The following MAML2 variants were observed in gnomAD, a reference collection of about 807,000 sequenced individuals.
The protein encoded by MAML2 is mastermind-like protein 2.
MAML2 carries 22 observed loss-of-function variants against 96.1 expected under a neutral mutation model. That is an observed-to-expected ratio of 0.23 (90% CI 0.16 to 0.33). MAML2 has a LOEUF of 0.33. MAML2 is among the 10% of genes least tolerant of loss of function. The pLI, the probability that MAML2 is intolerant of heterozygous loss-of-function variation, is 1.00. For synonymous variants in MAML2, 561 were observed against 521.3 expected (o/e 1.08, Z -1.04); for missense variants, 1,367 against 1,392.4 (o/e 0.98, Z 0.29).
intron 2 of MAML2, among the ~76,000 whole-genome samples, chr11:96,004,657 T>C (rs1213371959): frequency 1.3e-5 from 2 of 152,182 alleles, no homozygotes; most frequent in Non-Finnish European, 2.9e-5. Context: ...TGTGTAAATA[T>C]TTGCTTCATA....
At chr11:96,156,121 C>T (rs946912144) in intron 1 of MAML2, among the ~76,000 whole-genome samples, 28 of 152,156 alleles carry the variant, frequency 1.8e-4, no homozygotes, top group African/African-American at 5.6e-4. Context: ...GCTTCGCCTC[C>T]GTAACCCAGG....
chr11:95,984,485 A>T (rs1041362584), intron 4 of MAML2, among the ~76,000 whole-genome samples: 10 of 152,142 alleles, frequency 6.6e-5, no homozygotes, highest in Admixed American at 6.6e-4. Flanking sequence ...ACAGTGTCTC[A>T]ATATGTTGCC....
rs372483763 is a variant in MAML2 at position 95,985,560 on chromosome 11, C to A, written c.2426G>T (p.Gly809Val). The part of the protein sequence containing the change: ...PDYKDQRRNV[G>V]NMQPTAQYSG... ...ATACTGAGCAGTTGGTTGCATATTG[C>A]CCACATTTCTTCTTTGGTCTTTATA... The change falls in exon 4 of 5, where the codon GGC (glycine) becomes GTC (valine). Residue 809 changes from glycine to valine, a missense_variant. Transcript: ENST00000524717. 1.5e-5 allele frequency: 24 copies of A among 1,610,944 alleles called. No individual in the cohort carries two copies. The highest frequency in any genetic ancestry group is 6.7e-5 in the East Asian group (3 of 44,776).
intron 2 of MAML2, among the ~76,000 whole-genome samples, chr11:95,995,687 G>T (rs1433412014): frequency 6.6e-6 from 1 of 152,114 alleles, no homozygotes; most frequent in Non-Finnish European, 1.5e-5. Flanking sequence ...TACAGATGTG[G>T]TGTGTTTGGC....
At chr11:96,108,427 A>G (rs1317796256) in intron 1 of MAML2, among the ~76,000 whole-genome samples, 1 of 152,214 alleles carries the variant, frequency 6.6e-6, no homozygotes, top group Non-Finnish European at 1.5e-5. Flanking sequence ...TTGGGTGACT[A>G]CTTAATAGAA....
In MAML2 at chr11:96,249,059, A is replaced by G. The variant is rs1862549077; in HGVS notation, c.513+92324T>C. Among the ~76,000 whole-genome samples, 4 of 152,300 alleles carry G rather than the reference A, an allele frequency of 2.6e-5. No individual in the cohort carries two copies. In the South Asian group the frequency reaches 8.3e-4, roughly 32 times the overall value. ...GGACACCACTGATTGAAAGTCACCA[A>G]TGACTTTCACCTGACTCAGTGATCA... On this transcript the variant is annotated intron_variant, in intron 1 of 4. Transcript: ENST00000524717.
At position 96,006,545 on chromosome 11, in the gene MAML2, G is replaced by A. The variant is rs1858180540; in HGVS notation, c.2140-14822C>T. ...ATTAATTCTATTGGGAAATAAGATT[G>A]GAGTATCTTTTTTTTTTCTTTTTTT... On this transcript the variant is annotated intron_variant, in intron 2 of 4. Coordinates refer to ENST00000524717, the MANE Select transcript of MAML2 (RefSeq NM_032427.4). Among the ~76,000 whole-genome samples the A allele has an allele frequency of 2.7e-5, 4 of 149,288 alleles. No homozygotes were observed. The South Asian group carries it at 8.5e-4, about 32-fold the overall frequency.
intron 1 of MAML2, among the ~76,000 whole-genome samples, chr11:96,161,941 G>A (rs4753738): frequency 0.42 from 64,140 of 152,002 alleles, 13,761 homozygotes; most frequent in African/African-American, 0.49. Flanking sequence ...CCTGTGGGCT[G>A]AAAGCTAGCT....
chr11:95,984,919 G>T (rs75105358), intron 4 of MAML2, among the ~76,000 whole-genome samples: 1 of 152,296 alleles, frequency 6.6e-6, no homozygotes, highest in East Asian at 1.9e-4. Flanking sequence ...TTTGGGAAAG[G>T]TTCTTTTGGA....
At chr11:96,308,309 A>G (rs531254394) in intron 1 of MAML2, among the ~76,000 whole-genome samples, 1 of 152,330 alleles carries the variant, frequency 6.6e-6, no homozygotes, top group Non-Finnish European at 1.5e-5. Context: ...GATTTACTAA[A>G]CAATAGTAGA....
chr11:96,307,728 C>A (rs1295065959), intron 1 of MAML2, among the ~76,000 whole-genome samples: 10 of 152,294 alleles, frequency 6.6e-5, no homozygotes, highest in Non-Finnish European at 1.0e-4. Context: ...TCCTTTATGA[C>A]CGCTTCTTTT....
intron 1 of MAML2, among the ~76,000 whole-genome samples, chr11:96,134,692 G>A (rs1345437592): frequency 1.3e-5 from 2 of 152,128 alleles, no homozygotes; most frequent in Non-Finnish European, 2.9e-5. Flanking sequence ...TTACCACATT[G>A]TGGTAAAAAG....
intron 2 of MAML2, among the ~76,000 whole-genome samples, chr11:96,077,113 T>C (rs980032664): frequency 1.3e-5 from 2 of 152,010 alleles, no homozygotes; most frequent in African/African-American, 4.8e-5. Flanking sequence ...ATAAAGTATC[T>C]TTATACAGCA....
intron 2 of MAML2, among the ~76,000 whole-genome samples, chr11:96,082,187 G>A (rs1192383334): frequency 6.6e-6 from 1 of 152,090 alleles, no homozygotes; most frequent in Non-Finnish European, 1.5e-5. Context: ...TACAATTCAA[G>A]GTAGAAAGCA....
chr11:95,984,297 A>G lies in MAML2; in HGVS notation c.2455+1234T>C, dbSNP rs145185439. Among the ~76,000 whole-genome samples, 40 of 152,320 alleles carry G rather than the reference A, an allele frequency of 2.6e-4. No homozygotes were observed. The East Asian group carries it at 7.5e-3, about 29-fold the overall frequency. ...TGTTTGCACAATGAAATTACCTAAC[A>G]ACGCAATTCTCAGAACATACCCCCA... is the stretch of plus-strand genomic sequence containing the variant. On this transcript the variant is annotated intron_variant, in intron 4 of 4. Transcript: ENST00000524717.
intron 2 of MAML2, among the ~76,000 whole-genome samples, chr11:96,015,404 T>C (rs1267738677): frequency 2.0e-5 from 3 of 152,122 alleles, no homozygotes; most frequent in African/African-American, 7.2e-5. Context: ...TGAGTTTTAA[T>C]TGAGATAATA....
At chr11:96,119,526 G>A (rs1213859869) in intron 1 of MAML2, among the ~76,000 whole-genome samples, 1 of 152,206 alleles carries the variant, frequency 6.6e-6, no homozygotes, top group East Asian at 1.9e-4. Flanking sequence ...CCCTTGAAGT[G>A]TAATGTGATG....
chr11:96,253,380 T>C (rs1335330125), intron 1 of MAML2, among the ~76,000 whole-genome samples: 1 of 152,164 alleles, frequency 6.6e-6, no homozygotes, highest in Non-Finnish European at 1.5e-5. Context: ...GAATCCAAGC[T>C]CCCCTTCCTT....
chr11:96,223,158 T>C (rs1862164003), intron 1 of MAML2, among the ~76,000 whole-genome samples: 1 of 152,154 alleles, frequency 6.6e-6, no homozygotes, highest in Non-Finnish European at 1.5e-5. Context: ...AAAACTGTCA[T>C]TATAACAACA....
Sources: allele counts gnomAD v4.1 joint callset (sites outside exome capture counted in the v4.1 genomes callset), GRCh38; gene constraint gnomAD v4.1.1; transcripts MANE v1.5; gene names NCBI Gene and HGNC (gene_info 2026-07-23, HGNC 2026-07-21).